TAF3: variants seen among roughly 807,000 people sequenced by gnomAD.
The protein encoded by TAF3 is transcription initiation factor TFIID subunit 3.
TAF3 carries 7 observed loss-of-function variants against 80.6 expected under a neutral mutation model. That is an observed-to-expected ratio of 0.09 (90% CI 0.05 to 0.16). TAF3 has a LOEUF of 0.16. Among genes scored for constraint, TAF3 ranks in the 10% least tolerant of loss-of-function variants. The pLI is 1.00. For missense variants in TAF3, 921 were observed against 1,140.2 expected (o/e 0.81, Z 2.77); for synonymous variants, 444 against 446.1 (o/e 1.00, Z 0.06).
In TAF3 at chr10:7,965,753, T is replaced by G. The variant is rs891407909; in HGVS notation, c.2232+11T>G. ...CACAAGCATGAAAAAGTAAGCAGTT[T>G]CTCATTTTTGGCCCTATCTGAACAG... On this transcript the variant is annotated intron_variant, in intron 3 of 6. Coordinates refer to ENST00000344293, the MANE Select transcript of TAF3 (RefSeq NM_031923.4). 6.6e-7 allele frequency: 1 copy of G among 1,520,058 alleles called. No individual in the cohort carries two copies. The highest frequency in any genetic ancestry group is 2.3e-5 in the Admixed American group (1 of 43,038). The allele number at this position is 1,520,058 out of a possible 1,614,324, so 94.2% of individuals were successfully genotyped here. A position where few individuals can be genotyped will look rare whatever the true frequency, so the allele number is the denominator to read the frequency against.
chr10:7,832,135 G>A (rs1271309553), intron 2 of TAF3, among the ~76,000 whole-genome samples: 1 of 151,944 alleles, frequency 6.6e-6, no homozygotes, highest in Non-Finnish European at 1.5e-5. Context: ...ATCAAAAAAA[G>A]TACTCCTCCT....
chr10:7,976,939 T>TGACCTAG (rs1232123185), intron 3 of TAF3, among the ~76,000 whole-genome samples: 1 of 152,178 alleles, frequency 6.6e-6, no homozygotes, highest in Non-Finnish European at 1.5e-5. Context: ...CCACCAGAAA[T>TGACCTAG]GATCTAGGTA....
intron 2 of TAF3, among the ~76,000 whole-genome samples, chr10:7,950,122 G>C (rs1198272370): frequency 1.3e-5 from 2 of 152,206 alleles, no homozygotes; most frequent in Non-Finnish European, 2.9e-5. Context: ...TCCCGTATCA[G>C]TGAAGCTTTG....
At chr10:7,915,704 G>A (rs1050459756) in intron 2 of TAF3, among the ~76,000 whole-genome samples, 64 of 151,038 alleles carry the variant, frequency 4.2e-4, no homozygotes, top group African/African-American at 1.5e-3. Context: ...TAGGCTGGGC[G>A]CAGTGGCTCA....
chr10:7,981,161 T>C (rs1564376642), intron 4 of TAF3, among the ~76,000 whole-genome samples: 1 of 152,226 alleles, frequency 6.6e-6, no homozygotes, highest in Non-Finnish European at 1.5e-5. Context: ...GATTTGGGGC[T>C]GAATATAGGG....
intron 4 of TAF3, among the ~76,000 whole-genome samples, chr10:7,982,822 G>A (rs898452153): frequency 1.3e-5 from 2 of 152,182 alleles, no homozygotes; most frequent in African/African-American, 4.8e-5. Flanking sequence ...CTCCACAGCG[G>A]TTTTTATAGG....
At chr10:7,849,235 T>C in intron 2 of TAF3, among the ~76,000 whole-genome samples, 1 of 152,186 alleles carries the variant, frequency 6.6e-6, no homozygotes, top group East Asian at 1.9e-4. Context: ...TAAGGTATGT[T>C]AGAAACTGGT....
chr10:7,957,792 G>GCTTTCT (rs373350330), intron 2 of TAF3, among the ~76,000 whole-genome samples: 3 of 134,288 alleles, frequency 2.2e-5, no homozygotes, highest in Non-Finnish European at 4.7e-5. Flanking sequence ...TCTCTCTAGC[G>GCTTTCT]CGCTCTCTCT....
rs1294592112 is a variant in TAF3, at chr10:7,963,926, A to G, written c.416A>G (p.Glu139Gly). 1 of 1,560,374 alleles carries G rather than the reference A, an allele frequency of 6.4e-7. No homozygotes were observed. Among genetic ancestry groups the G allele is most frequent in the Non-Finnish European group, 8.6e-7 (1 of 1,158,590 alleles). ...CTTTTTCTTCCTTTACCAGAAGAAG[A>G]AGAAGAGCAGGTGCCCACTGATGGA... ...PPIVSSQEEEEEEQVPTDGGT... is the reference protein window; with the variant it reads ...PPIVSSQEEEGEEQVPTDGGT... Residue 139 changes from glutamate to glycine, a missense_variant, in exon 3 of 7, where the codon GAA becomes GGA. This residue lies in a region of TAF3 where 106 missense variants were observed against 191.8 expected (regional missense o/e 0.55). Transcript: ENST00000344293.
chr10:7,843,264 T>C (rs1056877278), intron 2 of TAF3, among the ~76,000 whole-genome samples: 11 of 151,548 alleles, frequency 7.3e-5, no homozygotes, highest in African/African-American at 2.4e-4. Context: ...TGCACCACCA[T>C]GCCCAGCTAA....
At chr10:7,868,472 A>G (rs1321098490) in intron 2 of TAF3, among the ~76,000 whole-genome samples, 1 of 152,054 alleles carries the variant, frequency 6.6e-6, no homozygotes, top group Non-Finnish European at 1.5e-5. Context: ...TCAGGAGTGG[A>G]GGTGGTGTGA....
At chr10:7,853,306 C>T (rs1397781461) in intron 2 of TAF3, among the ~76,000 whole-genome samples, 1 of 152,168 alleles carries the variant, frequency 6.6e-6, no homozygotes, top group African/African-American at 2.4e-5. Context: ...TGCCTCTGAA[C>T]ACCTCCCAAC....
chr10:8,011,721 T>C (rs1322043884), intron 5 of TAF3, among the ~76,000 whole-genome samples: 2 of 152,260 alleles, frequency 1.3e-5, no homozygotes, highest in African/African-American at 2.4e-5. Flanking sequence ...GATTTTGTAC[T>C]TAACCTCCTT....
intron 2 of TAF3, among the ~76,000 whole-genome samples, chr10:7,857,444 G>T (rs527626851): frequency 1.3e-5 from 2 of 152,324 alleles, no homozygotes; most frequent in South Asian, 4.1e-4. Flanking sequence ...TTGGCAGGAC[G>T]CCTACAGAGT....
At chr10:7,985,240 A>G (rs907447066) in intron 4 of TAF3, among the ~76,000 whole-genome samples, 1 of 152,086 alleles carries the variant, frequency 6.6e-6, no homozygotes, top group African/African-American at 2.4e-5. Flanking sequence ...TGGGTTCCAA[A>G]CCTTCTTACA....
intron 2 of TAF3, among the ~76,000 whole-genome samples, chr10:7,856,568 A>G (rs989110150): frequency 2.0e-5 from 3 of 152,314 alleles, no homozygotes; most frequent in South Asian, 2.1e-4. Flanking sequence ...CTGAACAACA[A>G]AAGTTCAGAG....
rs754703490 is a variant in TAF3 at position 7,968,729 on chromosome 10, G to A, written c.2232+2987G>A. On this transcript the variant is annotated intron_variant, in intron 3 of 6. Coordinates refer to ENST00000344293, the MANE Select transcript of TAF3 (RefSeq NM_031923.4). ...TTGCCCAAGATCACACATCTAGTAA[G>A]TGATTGAACAGGAGCCAAAATTTCA... 7.2e-5 allele frequency among the ~76,000 whole-genome samples: 11 copies of A among 152,156 alleles called. 1 individual carries two copies. The highest frequency in any genetic ancestry group is 2.2e-4 in the African/African-American group (9 of 41,444).
At chr10:7,904,664 C>T (rs1837590573) in intron 2 of TAF3, among the ~76,000 whole-genome samples, 1 of 152,136 alleles carries the variant, frequency 6.6e-6, no homozygotes, top group African/African-American at 2.4e-5. Context: ...GAGAAGGGCC[C>T]CAGCACACAT....
intron 2 of TAF3, among the ~76,000 whole-genome samples, chr10:7,864,085 A>G (rs1462592978): frequency 6.6e-6 from 1 of 152,004 alleles, no homozygotes; most frequent in Non-Finnish European, 1.5e-5. Context: ...TTGACACATT[A>G]TTATTACCAG....
Sources: allele counts gnomAD v4.1 joint callset (sites outside exome capture counted in the v4.1 genomes callset), GRCh38; gene constraint gnomAD v4.1.1; regional missense constraint gnomAD v4.1.1; transcripts MANE v1.5; gene names NCBI Gene and HGNC (gene_info 2026-07-23, HGNC 2026-07-21).